Variants in ARL15 observed in about 807,000 individuals in gnomAD.
The protein encoded by ARL15 is ADP-ribosylation factor-like protein 15.
Under a neutral mutation model 25.2 loss-of-function variants are expected in ARL15, and 19 were observed. The ratio of observed to expected loss-of-function variants is 0.75; its 90% confidence interval spans 0.53 to 1.10. The LOEUF (loss-of-function observed/expected upper bound fraction) is 1.10. Among genes scored for constraint, ARL15 ranks in the 50% least tolerant of loss-of-function variants. ARL15 has a pLI of 0.00. For missense variants in ARL15, 220 were observed against 246.0 expected, an observed-to-expected ratio of 0.89 and a Z score of 0.71; for synonymous variants, 94 against 86.8, an observed-to-expected ratio of 1.08 and a Z score of -0.46.
intron 1 of ARL15, among the ~76,000 whole-genome samples, chr5:54,192,424 G>A (rs1755430692): frequency 6.6e-6 from 1 of 151,960 alleles, no homozygotes; most frequent in Non-Finnish European, 1.5e-5. Flanking sequence ...TAAGTCCCAT[G>A]ACGGCAAGAT....
intron 4 of ARL15, among the ~76,000 whole-genome samples, chr5:54,013,429 G>C (rs184310928): frequency 5.9e-5 from 9 of 152,314 alleles, no homozygotes; most frequent in Non-Finnish European, 1.0e-4. Context: ...TTTTAACTTT[G>C]AAACAATGAT....
intron 4 of ARL15, among the ~76,000 whole-genome samples, chr5:53,952,346 CTT>C (rs1747004257): frequency 6.6e-6 from 1 of 152,038 alleles, no homozygotes; most frequent in African/African-American, 2.4e-5. Flanking sequence ...TATGTTTAAA[CTT>C]TTTAGTTTCT....
At chr5:54,144,366 T>C (rs1262880299) in intron 3 of ARL15, among the ~76,000 whole-genome samples, 1 of 152,174 alleles carries the variant, frequency 6.6e-6, no homozygotes, top group African/African-American at 2.4e-5. Context: ...ATTCTTTTTG[T>C]ATGTCATTCT....
intron 1 of ARL15, among the ~76,000 whole-genome samples, chr5:54,248,746 T>C (rs1297059290): frequency 6.6e-6 from 1 of 152,236 alleles, no homozygotes; most frequent in East Asian, 1.9e-4. Context: ...TGAGTTGGTC[T>C]TGCTCATCTC....
chr5:53,954,095 TA>T (rs11325411), intron 4 of ARL15, among the ~76,000 whole-genome samples: 89,689 of 141,164 alleles, frequency 0.64, 28,273 homozygotes, highest in Middle Eastern at 0.73. Context: ...ATCTTCTACT[TA>T]AAAAAAAAAA....
At chr5:54,199,458 AC>A (rs1287391566) in intron 1 of ARL15, among the ~76,000 whole-genome samples, 1 of 152,086 alleles carries the variant, frequency 6.6e-6, no homozygotes, top group Non-Finnish European at 1.5e-5. Flanking sequence ...CAAGAAAAAA[AC>A]AACCCTATCA....
intron 4 of ARL15, among the ~76,000 whole-genome samples, chr5:54,072,130 G>GTT (rs938094844): frequency 5.3e-5 from 8 of 152,078 alleles, no homozygotes; most frequent in Non-Finnish European, 7.4e-5. Context: ...GCCAATTTTT[G>GTT]TTTTACTATA....
At chr5:54,005,606 G>C (rs1749003075) in intron 4 of ARL15, among the ~76,000 whole-genome samples, 1 of 152,026 alleles carries the variant, frequency 6.6e-6, no homozygotes, top group African/African-American at 2.4e-5. Flanking sequence ...GCTCACGCCT[G>C]TAATCCCAGC....
rs138569066 is a variant in ARL15 at position 54,298,945 on chromosome 5, C to T, written c.48+11487G>A. On this transcript the variant is annotated intron_variant, in intron 1 of 4. Transcript: ENST00000504924. ...TTGAGATGAGGTCTTGTTCTGTCAC[C>T]CAGGCTGGAGTGCAGTGGCACAATC... 4.1e-4 allele frequency among the ~76,000 whole-genome samples: 63 copies of T among 151,836 alleles called. No individual in the cohort carries two copies. The East Asian group carries it at 0.012, about 28-fold the overall frequency.
intron 4 of ARL15, among the ~76,000 whole-genome samples, chr5:53,905,261 T>C (rs1745215052): frequency 6.6e-6 from 1 of 152,162 alleles, no homozygotes; most frequent in Non-Finnish European, 1.5e-5. Flanking sequence ...CCTCAAATCC[T>C]TTTTTGTGAC....
chr5:53,970,016 T>C (rs780314405), intron 4 of ARL15, among the ~76,000 whole-genome samples: 9 of 152,206 alleles, frequency 5.9e-5, no homozygotes, highest in Non-Finnish European at 1.2e-4. Context: ...AGGGAGAACC[T>C]TGGAAGAAGT....
intron 1 of ARL15, among the ~76,000 whole-genome samples, chr5:54,181,498 C>CT (rs1223493991): frequency 6.6e-6 from 1 of 152,114 alleles, no homozygotes. Context: ...CAGCAAATCT[C>CT]TTTTTTTGCT....
At chr5:54,215,403 G>A (rs1212698293) in intron 1 of ARL15, among the ~76,000 whole-genome samples, 3 of 152,106 alleles carry the variant, frequency 2.0e-5, no homozygotes, top group Non-Finnish European at 1.5e-5. Context: ...ACAGTCTATT[G>A]AGAAATCCTA....
intron 1 of ARL15, among the ~76,000 whole-genome samples, chr5:54,291,016 C>T (rs1758306815): frequency 6.6e-6 from 1 of 152,230 alleles, no homozygotes; most frequent in Non-Finnish European, 1.5e-5. Context: ...AATTATTGTA[C>T]TGCCAGGAAA....
At chr5:54,231,096 T>C (rs921152078) in intron 1 of ARL15, among the ~76,000 whole-genome samples, 1 of 151,816 alleles carries the variant, frequency 6.6e-6, no homozygotes, top group Non-Finnish European at 1.5e-5. Flanking sequence ...AGCCAGTTGC[T>C]TGGGGAATGT....
intron 4 of ARL15, among the ~76,000 whole-genome samples, chr5:53,897,208 T>C (rs1003061979): frequency 2.0e-5 from 3 of 152,334 alleles, no homozygotes; most frequent in South Asian, 4.1e-4. Context: ...TTCTGTCATC[T>C]AGAGAGAAAC....
At chr5:54,193,725 ATT>A (rs71600810) in intron 1 of ARL15, among the ~76,000 whole-genome samples, 8 of 77,562 alleles carry the variant, frequency 1.0e-4, no homozygotes, top group Admixed American at 1.3e-4. Context: ...TAAAGCCTTC[ATT>A]TTTTTTTTTT....
intron 1 of ARL15, among the ~76,000 whole-genome samples, chr5:54,214,926 G>T (rs189789153): frequency 2.0e-5 from 3 of 152,160 alleles, no homozygotes; most frequent in Admixed American, 2.0e-4. Flanking sequence ...CCTGTCAAAA[G>T]GTTATTCCCA....
At chr5:54,275,684 T>TATC (rs748893076) in intron 1 of ARL15, among the ~76,000 whole-genome samples, 106 of 142,640 alleles carry the variant, frequency 7.4e-4, no homozygotes, top group Non-Finnish European at 1.2e-3. Flanking sequence ...TTATTATTAT[T>TATC]TTATTTATTT....
Sources: allele counts gnomAD v4.1 joint callset (sites outside exome capture counted in the v4.1 genomes callset), GRCh38; gene constraint gnomAD v4.1.1; transcripts MANE v1.5; gene names NCBI Gene and HGNC (gene_info 2026-07-23, HGNC 2026-07-21).